Variants in SLC49A4 observed in about 807,000 individuals in gnomAD.
SLC49A4 encodes solute carrier family 49 member 4.
In SLC49A4, 36 loss-of-function variants were observed where a neutral mutation model predicts 50.6. That is an observed-to-expected ratio of 0.71 (90% confidence interval 0.55 to 0.94). SLC49A4 has a LOEUF of 0.94. Ranked by LOEUF, SLC49A4 falls within the 40% of genes least tolerant of loss-of-function variation. The pLI, the probability that SLC49A4 is intolerant of heterozygous loss-of-function variation, is 0.00. For missense variants in SLC49A4, 503 were observed against 605.7 expected (o/e 0.83, Z 1.78); for synonymous variants, 248 against 241.2 (o/e 1.03, Z -0.26).
At chr3:122,845,607 G>GTTTTTTTTTTTTTT (rs35604258) in intron 4 of SLC49A4, among the ~76,000 whole-genome samples, 156 bp from the exon 5 acceptor site, 1 of 97,440 alleles carries the variant, frequency 1.0e-5, no homozygotes, top group Non-Finnish European at 2.0e-5. Flanking sequence ...TTTCCAGCAC[G>GTTTTTTTTTTTTTT]TTTTTTTTTT....
intron 2 of SLC49A4, among the ~76,000 whole-genome samples, chr3:122,824,462 CTA>C (rs1936495137): frequency 6.6e-6 from 1 of 152,078 alleles, no homozygotes; most frequent in Admixed American, 6.5e-5. Context: ...GGGTAATAGT[CTA>C]TTTGTGATTC....
At chr3:122,810,420 ACT>A (rs1936282427) in intron 2 of SLC49A4, among the ~76,000 whole-genome samples, 2 of 152,040 alleles carry the variant, frequency 1.3e-5, no homozygotes. Flanking sequence ...AAAAGCCATC[ACT>A]CTATTGCAAT....
At chr3:122,832,668 A>T (rs558658673) in intron 3 of SLC49A4, among the ~76,000 whole-genome samples, 2 of 152,196 alleles carry the variant, frequency 1.3e-5, no homozygotes, top group African/African-American at 4.8e-5. Context: ...AATCTCTTTT[A>T]TAGTAAGGTA....
At chr3:122,856,612 G>A (rs187669449) in intron 6 of SLC49A4, among the ~76,000 whole-genome samples, 12 of 152,242 alleles carry the variant, frequency 7.9e-5, no homozygotes, top group African/African-American at 1.7e-4. Flanking sequence ...TGAGGCAGGC[G>A]GATTACCTGA....
intron 2 of SLC49A4, among the ~76,000 whole-genome samples, chr3:122,821,866 A>G (rs543192116): frequency 2.0e-5 from 3 of 152,306 alleles, no homozygotes; most frequent in Admixed American, 6.5e-5. Context: ...AATATTAGTC[A>G]TCTTGTTTTT....
intron 7 of SLC49A4, among the ~76,000 whole-genome samples, chr3:122,871,364 A>G (rs375064897): frequency 6.6e-6 from 1 of 152,094 alleles, no homozygotes; most frequent in African/African-American, 2.4e-5. Flanking sequence ...AGTGTCATGG[A>G]CTGTTAATGA....
At chr3:122,802,005 C>A (rs2107554930) in intron 1 of SLC49A4, among the ~76,000 whole-genome samples, 1 of 152,146 alleles carries the variant, frequency 6.6e-6, no homozygotes, top group East Asian at 1.9e-4. Context: ...AATAAGAAAT[C>A]AAAATATATG....
chr3:122,867,204 G>A (rs1001638099), intron 7 of SLC49A4, among the ~76,000 whole-genome samples: 1 of 151,976 alleles, frequency 6.6e-6, no homozygotes, highest in Non-Finnish European at 1.5e-5. Context: ...TTTGTTTTTG[G>A]TTCTGTCATA....
intron 1 of SLC49A4, among the ~76,000 whole-genome samples, chr3:122,798,062 A>G (rs982397755): frequency 4.6e-5 from 7 of 152,214 alleles, no homozygotes; most frequent in African/African-American, 1.4e-4. Flanking sequence ...AAGAAAAAAG[A>G]TTGTATTTGT....
chr3:122,834,890 A>G (rs189664803), intron 4 of SLC49A4, among the ~76,000 whole-genome samples: 14 of 152,314 alleles, frequency 9.2e-5, no homozygotes, highest in Admixed American at 7.9e-4. Flanking sequence ...TACCACAGAA[A>G]TACAAAAGAT....
intron 2 of SLC49A4, among the ~76,000 whole-genome samples, chr3:122,813,537 A>T: frequency 6.6e-6 from 1 of 152,138 alleles, no homozygotes; most frequent in Admixed American, 6.5e-5. Context: ...CCTCCTGTAT[A>T]TCATCACAAT....
chr3:122,837,370 C>T (rs74778057), intron 4 of SLC49A4, among the ~76,000 whole-genome samples: 14,389 of 152,008 alleles, frequency 0.095, 750 homozygotes, highest in East Asian at 0.14. Context: ...GAGATATAGA[C>T]CAATGGAACA....
intron 2 of SLC49A4, among the ~76,000 whole-genome samples, chr3:122,819,918 G>A (rs1194198649): frequency 6.6e-6 from 1 of 151,208 alleles, no homozygotes; most frequent in African/African-American, 2.4e-5. Flanking sequence ...CTGAACTATT[G>A]ACCTAATGAG....
At chr3:122,814,670 A>G (rs6797815) in intron 2 of SLC49A4, among the ~76,000 whole-genome samples, 65,798 of 152,084 alleles carry the variant, frequency 0.43, 15,528 homozygotes, top group South Asian at 0.55. Flanking sequence ...ATCTAAAACA[A>G]GCTTGTCCAA....
At chr3:122,846,240 G>C (rs1279335284) in intron 5 of SLC49A4, among the ~76,000 whole-genome samples, 2 of 151,926 alleles carry the variant, frequency 1.3e-5, no homozygotes, top group Non-Finnish European at 2.9e-5. Context: ...CTTTCTCTCT[G>C]GGCTCCAAAT....
chr3:122,806,935 T>TA lies in SLC49A4; in HGVS notation c.424dup (p.Ile142AsnfsTer3). The stretch of plus-strand genomic sequence containing the variant: ...CTAAGATGCATACCTATATCAGACT[T>TA]AATCCTTAAAAGAAGGTAAATCCTG... On this transcript the variant is annotated frameshift_variant, in exon 2 of 9. Coordinates refer to ENST00000261038, the MANE Select transcript of SLC49A4 (RefSeq NM_032839.3). LOFTEE classifies it high-confidence loss of function. The TA allele has an allele frequency of 1.3e-6, 2 of 1,589,780 alleles. No individual in the cohort carries two copies. The highest frequency in any genetic ancestry group is 1.7e-6 in the Non-Finnish European group (2 of 1,159,870).
chr3:122,860,684 C>T (rs1455719060), intron 7 of SLC49A4, among the ~76,000 whole-genome samples: 1 of 152,264 alleles, frequency 6.6e-6, no homozygotes, highest in African/African-American at 2.4e-5. Context: ...ATATTACAGC[C>T]AGCTTACTTA....
chr3:122,796,237 T>G (rs1313148824), intron 1 of SLC49A4, among the ~76,000 whole-genome samples: 2 of 152,212 alleles, frequency 1.3e-5, no homozygotes, highest in Admixed American at 1.3e-4. Flanking sequence ...AAGGCATACT[T>G]ACCACATAAG....
At chr3:122,800,770 A>G (rs1936118148) in intron 1 of SLC49A4, among the ~76,000 whole-genome samples, 1 of 151,782 alleles carries the variant, frequency 6.6e-6, no homozygotes, top group Non-Finnish European at 1.5e-5. Flanking sequence ...AAGAGCTTGT[A>G]GAAGTTATCT....
Sources: gnomAD v4.1 joint callset for allele counts (sites outside exome capture counted in the v4.1 genomes callset) on GRCh38, gnomAD v4.1.1 for gene constraint, MANE v1.5 for transcripts, NCBI Gene and HGNC (gene_info 2026-07-23, HGNC 2026-07-21) for gene names.